Variants in PREPL observed in about 807,000 individuals in gnomAD.
PREPL encodes the protein prolyl endopeptidase like.
PREPL carries 77 observed loss-of-function variants against 70.6 expected under a neutral mutation model. The observed-to-expected ratio is 1.09, with a 90% CI of 0.91 to 1.32. The LOEUF (loss-of-function observed/expected upper bound fraction) is 1.32, where lower values mean the gene tolerates loss of function less well. Ranked by LOEUF, PREPL falls within the 40% of genes most tolerant of loss-of-function variation. The probability of loss-of-function intolerance (pLI) is 0.00; values close to 1 mark genes in which losing one functional copy is unlikely to be tolerated. For missense variants in PREPL, 1,002 were observed against 778.2 expected (o/e 1.29, Z -3.42); for synonymous variants, 315 against 264.8 (o/e 1.19, Z -1.84).
chr2:44,359,817 C>T (rs570237211), intron 1 of PREPL: 35 of 769,642 alleles, frequency 4.5e-5, no homozygotes, highest in Non-Finnish European at 7.5e-5. Context: ...TAACTAAGAT[C>T]AGCAGTTCTC....
intron 5 of PREPL, among the ~76,000 whole-genome samples, chr2:44,341,742 G>C (rs994846990): frequency 4.0e-5 from 6 of 150,348 alleles, no homozygotes; most frequent in African/African-American, 1.5e-4. Context: ...AAAAAGAAAA[G>C]TAAAAAAAAA....
intron 2 of PREPL, among the ~76,000 whole-genome samples, 163 bp downstream of exon 2, chr2:44,346,103 GAT>G (rs1675787629): frequency 6.6e-6 from 1 of 152,000 alleles, no homozygotes; most frequent in Non-Finnish European, 1.5e-5. Context: ...CACATTCTGT[GAT>G]CACAATCTCT....
Position 44,326,895 on chromosome 2 carries a change from A to G in PREPL, c.1296T>C (p.Ala432=), listed in dbSNP as rs369994505. Residue 432 remains alanine, a synonymous_variant, in exon 10 of 14, where the codon GCT becomes GCC. Coordinates refer to ENST00000409411, the MANE Select transcript of PREPL (RefSeq NM_001171613.2). ...TGAGTTTTTTAGTTAGGCGGCCATCAGCGTGCCACTGGAGGCCTAACTCAC... is the reference window on the plus strand; with the variant it reads ...TGAGTTTTTTAGTTAGGCGGCCATCGGCGTGCCACTGGAGGCCTAACTCAC... ...GGGELGLQWH[A]DGRLTKKLNG... is the part of the protein sequence containing the mutation. 2.9e-5 allele frequency: 47 copies of G among 1,614,080 alleles called. No individual in the cohort carries two copies. The highest frequency in any genetic ancestry group is 3.7e-5 in the Non-Finnish European group (44 of 1,180,042).
rs748870270 is a variant in PREPL, at chr2:44,321,818, A to G, written c.1827+9T>C. On this transcript the variant is annotated intron_variant, in intron 13 of 13. Transcript: ENST00000409411. ...GAATCTGTCCACTGAGAGGGCCTTG[A>G]TAACATACCTTTTTGTGAGAATCCT... The G allele has an allele frequency of 2.6e-5, 42 of 1,613,748 alleles. No homozygotes were observed. The highest frequency in any genetic ancestry group is 1.5e-4 in the Admixed American group (9 of 59,984).
intron 10 of PREPL, among the ~76,000 whole-genome samples, chr2:44,324,409 C>T (rs953777693): frequency 2.0e-5 from 3 of 151,870 alleles, no homozygotes; most frequent in Admixed American, 1.3e-4. Flanking sequence ...TGGTATTTTA[C>T]CATAATTAAA....
chr2:44,327,242 A>G (rs1232190927), intron 9 of PREPL, among the ~76,000 whole-genome samples: 1 of 152,238 alleles, frequency 6.6e-6, no homozygotes, highest in East Asian at 1.9e-4. Flanking sequence ...AGACCTTAAA[A>G]GTAGAAACAA....
intron 2 of PREPL, among the ~76,000 whole-genome samples, chr2:44,345,603 C>A (rs1675714029): frequency 6.6e-6 from 1 of 152,172 alleles, no homozygotes; most frequent in Admixed American, 6.5e-5. Flanking sequence ...CCACCTTGAC[C>A]TCCCAAAGTG....
rs957430874 is a variant in PREPL at position 44,318,688 on chromosome 2, C to T, written c.*2668G>A. The T allele has an allele frequency of 6.6e-6, 1 of 151,702 alleles. No individual in the cohort carries two copies. Among genetic ancestry groups the T allele is most frequent in the South Asian group, 2.1e-4 (1 of 4,814 alleles). 9.4% of individuals were successfully genotyped at this position (151,702 alleles called of 1,614,324 possible). A position where few individuals can be genotyped will look rare whatever the true frequency, so the allele number is the denominator to read the frequency against. The stretch of plus-strand genomic sequence containing the variant: ...CCTGTCTCTGAGGGGAACTGTGAAG[C>T]TATGGAAAGGTGTTGAAGAAAACCT... On this transcript the variant is annotated 3_prime_UTR_variant, in exon 14 of 14. Coordinates refer to ENST00000409411, the MANE Select transcript of PREPL (RefSeq NM_001171613.2).
At position 44,338,544 on chromosome 2, in the gene PREPL, G is replaced by T; in HGVS notation, c.703-8C>A. 2 of 1,593,660 alleles carry T rather than the reference G, an allele frequency of 1.3e-6. No homozygotes were observed. Among genetic ancestry groups the T allele is most frequent in the South Asian group, 2.3e-5 (2 of 87,856 alleles). On this transcript the variant is annotated splice_region_variant and splice_polypyrimidine_tract_variant and intron_variant, in intron 6 of 13. Coordinates refer to ENST00000409411, the MANE Select transcript of PREPL (RefSeq NM_001171613.2). ...AGCCGCTGTTCTCATTAGCTACGTG[G>T]AACAAAGTTAGAAGACATATAGGTA...
chr2:44,340,525 A>G (rs767096360), intron 5 of PREPL, among the ~76,000 whole-genome samples: 1 of 152,314 alleles, frequency 6.6e-6, no homozygotes, highest in Non-Finnish European at 1.5e-5. Flanking sequence ...TCTGTATTGG[A>G]TCACATTACC....
chr2:44,321,717 G>C, intron 13 of PREPL, 110 bp downstream of exon 13: 1 of 1,596,248 alleles, frequency 6.3e-7, no homozygotes. Context: ...CCCATAGATA[G>C]GACATTTGTG....
intron 8 of PREPL, among the ~76,000 whole-genome samples, chr2:44,331,946 CTTTTTTTTT>C (rs35003986): frequency 1.6e-5 from 2 of 121,694 alleles, no homozygotes; most frequent in Non-Finnish European, 3.5e-5. Context: ...TATAAATTTT[CTTTTTTTTT>C]TTTTTTTTTG....
At position 44,320,238 on chromosome 2, in the gene PREPL, C is replaced by G. The variant is rs754053965; in HGVS notation, c.*1118G>C. 4.3e-6 allele frequency: 7 copies of G among 1,613,852 alleles called. No individual in the cohort carries two copies. In the African/African-American group the frequency reaches 6.7e-5, roughly 15 times the overall value. ...GCCCAGATCGGCTTTGAAGTTATAT[C>G]AAGATTTAAGTCTACTTCATGCCAA... On this transcript the variant is annotated 3_prime_UTR_variant, in exon 14 of 14. Coordinates refer to ENST00000409411, the MANE Select transcript of PREPL (RefSeq NM_001171613.2).
In PREPL at chr2:44,323,841, G is replaced by A. The variant is rs550371875; in HGVS notation, c.1480-430C>T. ...CACTGGTGGTTGGAATGTAAAATGG[G>A]GGAGCTGCTTTGGAAAACAGTATGG... On this transcript the variant is annotated intron_variant, in intron 10 of 13. Transcript: ENST00000409411. Among the ~76,000 whole-genome samples the A allele has an allele frequency of 3.3e-5, 5 of 152,262 alleles. No homozygotes were observed. In the South Asian group the frequency reaches 8.3e-4, roughly 25 times the overall value.
chr2:44,342,291 T>A (rs1188926308), intron 5 of PREPL, 126 bp downstream of exon 5: 4 of 809,246 alleles, frequency 4.9e-6, no homozygotes, highest in Non-Finnish European at 7.3e-6. Flanking sequence ...AATAAAAGAA[T>A]GATCGTTTTA....
Position 44,318,094 on chromosome 2 carries a change from TG to T in PREPL, c.*3261del, listed in dbSNP as rs781080384. Reference sequence around the variant, plus strand: ...AATAATACTTAAAGGATCTCAACACTGTTTTTTTTTTTTTTTGAGACAGTCT... The same window carrying T: ...AATAATACTTAAAGGATCTCAACACTTTTTTTTTTTTTTTTGAGACAGTCT... On this transcript the variant is annotated 3_prime_UTR_variant, in exon 14 of 14. Transcript: ENST00000409411. 3.9e-4 allele frequency: 143 copies of T among 368,300 alleles called. 1 individual carries two copies. The African/African-American group carries it at 5.7e-3, about 15-fold the overall frequency. The allele number at this position is 368,300 out of a possible 1,614,324, so 22.8% of individuals were successfully genotyped here.
chr2:44,356,150 A>G (rs1677019331), intron 1 of PREPL: 1 of 152,200 alleles, frequency 6.6e-6, no homozygotes, highest in Non-Finnish European at 1.5e-5. Flanking sequence ...TAAGGTTTAG[A>G]TCGGCAACAC....
chr2:44,361,697 G>T (rs372859746), upstream of PREPL: 27 of 341,332 alleles, frequency 7.9e-5, no homozygotes, highest in Admixed American at 9.7e-4. Context: ...TTCTGAGCTC[G>T]AGATGAAGCA....
rs78349078 is a variant in PREPL at position 44,359,567 on chromosome 2, T to C, written c.-49+1813A>G. 4 of 1,613,388 alleles carry C rather than the reference T, an allele frequency of 2.5e-6. No individual in the cohort carries two copies. In the South Asian group the frequency reaches 3.3e-5, roughly 13 times the overall value. ...TATCTTGGGTTTATTCTGAAGACAC[T>C]TGGTTAGGTGATATTTTTTCAATTT... On this transcript the variant is annotated intron_variant, in intron 1 of 13. Coordinates refer to ENST00000409411, the MANE Select transcript of PREPL (RefSeq NM_001171613.2).
Sources: allele counts gnomAD v4.1 joint callset (sites outside exome capture counted in the v4.1 genomes callset), GRCh38; gene constraint gnomAD v4.1.1; transcripts MANE v1.5; gene names NCBI Gene and HGNC (gene_info 2026-07-23, HGNC 2026-07-21).